The following KCNAB2 variants were observed in gnomAD, a reference collection of about 807,000 sequenced individuals.
KCNAB2 encodes potassium voltage-gated channel subfamily A regulatory beta subunit 2, also known as voltage-gated potassium channel subunit beta-2.
In KCNAB2, 29 loss-of-function variants were observed where a neutral mutation model predicts 63.6. The ratio of observed to expected loss-of-function variants is 0.46; its 90% CI spans 0.34 to 0.62. The LOEUF (loss-of-function observed/expected upper bound fraction) is 0.62. Ranked by LOEUF, KCNAB2 falls within the 20% of genes least tolerant of loss-of-function variation. The pLI, the probability that KCNAB2 is intolerant of heterozygous loss-of-function variation, is 0.01. For missense variants in KCNAB2, 359 were observed against 563.9 expected, an observed-to-expected ratio of 0.64 and a Z score of 3.68; for synonymous variants, 222 against 224.2, an observed-to-expected ratio of 0.99 and a Z score of 0.09.
At chr1:6,032,573 T>TAAA (rs35229378), upstream of KCNAB2, among the ~76,000 whole-genome samples, 2 of 134,506 alleles carry the variant, frequency 1.5e-5, no homozygotes, top group Admixed American at 1.5e-4. Flanking sequence ...GAGACTCTGT[T>TAAA]AAAAAAAAAA....
intron 6 of KCNAB2, 124 bp downstream of exon 6, chr1:6,085,372 G>C: frequency 1.2e-6 from 1 of 838,644 alleles, no homozygotes; most frequent in Non-Finnish European, 2.0e-6. Context: ...TTTCTTGCTG[G>C]GAAGTGGAGA....
At position 6,081,007 on chromosome 1, in the gene KCNAB2, C is replaced by T. The variant is rs3789542; in HGVS notation, c.301-1188C>T. On this transcript the variant is annotated intron_variant, in intron 4 of 15. Transcript: ENST00000378083. ...GACACTCAGAGGGAAGCAGCCCTGTCCGAGAGCCAGAAGCTCAGGGGCACC... is the reference window on the plus strand; with the variant it reads ...GACACTCAGAGGGAAGCAGCCCTGTTCGAGAGCCAGAAGCTCAGGGGCACC... 1.6e-4 allele frequency among the ~76,000 whole-genome samples: 24 copies of T among 152,328 alleles called. No homozygotes were observed. The East Asian group carries it at 2.7e-3, about 17-fold the overall frequency.
intron 1 of KCNAB2, among the ~76,000 whole-genome samples, chr1:5,996,395 C>T (rs1656939883): frequency 6.6e-6 from 1 of 152,194 alleles, no homozygotes; most frequent in Non-Finnish European, 1.5e-5. Context: ...GGGCTCAGGC[C>T]CCTCCCTGCC....
At chr1:6,088,982 TCA>T in intron 7 of KCNAB2, 24 bp from the exon 8 acceptor site, 2 of 1,548,422 alleles carry the variant, frequency 1.3e-6, no homozygotes, top group South Asian at 1.2e-5. Flanking sequence ...GCTGGTGACA[TCA>T]CACGCGGTCG....
At chr1:5,999,920 C>T (rs2102538690) in intron 1 of KCNAB2, among the ~76,000 whole-genome samples, 1 of 143,840 alleles carries the variant, frequency 7.0e-6, no homozygotes, top group African/African-American at 2.7e-5. Flanking sequence ...CTGTCTGTGC[C>T]CCGTCCGCAT....
At chr1:6,063,657 C>T (rs534398922) in intron 2 of KCNAB2, among the ~76,000 whole-genome samples, 2 of 152,124 alleles carry the variant, frequency 1.3e-5, no homozygotes, top group South Asian at 4.2e-4. Flanking sequence ...GTGATCCACC[C>T]ACCTCAGCCT....
chr1:6,044,092 G>A (rs890542821), upstream of KCNAB2, among the ~76,000 whole-genome samples: 8 of 152,162 alleles, frequency 5.3e-5, no homozygotes, highest in Admixed American at 2.0e-4. Flanking sequence ...GGGTCAGAGC[G>A]CTGTCACCTC....
intron 5 of KCNAB2, among the ~76,000 whole-genome samples, chr1:6,083,691 C>T (rs745606687): frequency 8.5e-5 from 13 of 152,296 alleles, no homozygotes; most frequent in South Asian, 6.2e-4. Context: ...CTGGGCGCTG[C>T]GTGCCGGGGA....
intron 2 of KCNAB2, among the ~76,000 whole-genome samples, chr1:6,061,774 C>T (rs1299089947): frequency 1.3e-5 from 2 of 152,190 alleles, no homozygotes; most frequent in Non-Finnish European, 2.9e-5. Flanking sequence ...TAAAATTACC[C>T]TCCACCCCAC....
chr1:6,082,357 C>A, intron 5 of KCNAB2, 83 bp downstream of exon 5: 1 of 1,066,238 alleles, frequency 9.4e-7, no homozygotes, highest in Non-Finnish European at 1.5e-6. Context: ...CGCTCGCGTT[C>A]CCAAGAGTGC....
At position 6,003,575 on chromosome 1, in the gene KCNAB2, C is replaced by T. The variant is rs943732321; in HGVS notation, c.-53+10787C>T. On this transcript the variant is annotated intron_variant, in intron 1 of 16. Transcript: ENST00000341524. The surrounding 1 kb of genome is among the most constrained non-coding windows in gnomAD (Gnocchi z 4.1). ...GAGATCCGGCAGCTCTTCACTCTTC[C>T]GAATCAGGCTGTGGGAAACGTTTGT... 1.3e-5 allele frequency among the ~76,000 whole-genome samples: 2 copies of T among 152,190 alleles called. No homozygotes were observed. Among genetic ancestry groups the T allele is most frequent in the Non-Finnish European group, 2.9e-5 (2 of 68,036 alleles).
At chr1:6,082,073 C>T (rs1664255953) in intron 4 of KCNAB2, 122 bp from the exon 5 acceptor site, 3 of 757,744 alleles carry the variant, frequency 4.0e-6, no homozygotes, top group Non-Finnish European at 4.6e-6. Flanking sequence ...ACAGGGGAGC[C>T]TGTCGGGCCC....
rs575767266 is a variant in KCNAB2 at position 6,070,059 on chromosome 1, T to A, written c.219-2696T>A. 5.9e-5 allele frequency among the ~76,000 whole-genome samples: 9 copies of A among 152,306 alleles called. No individual in the cohort carries two copies. The South Asian group carries it at 1.7e-3, about 28-fold the overall frequency. On this transcript the variant is annotated intron_variant, in intron 2 of 15. Transcript: ENST00000378083. ...TGACCTGGCCTTCAGCAGAGCCTTT[T>A]CAAGCAACTGTTCCCCACAGTCACT...
At chr1:6,080,166 C>G (rs975030415) in intron 4 of KCNAB2, among the ~76,000 whole-genome samples, 2 of 152,310 alleles carry the variant, frequency 1.3e-5, no homozygotes, top group South Asian at 4.1e-4. Context: ...TTAGCCCCTT[C>G]GGGGCCCAGC....
chr1:6,051,753 C>G lies in KCNAB2; in HGVS notation c.217C>G (p.Arg73Gly), dbSNP rs762932877. ...CTAQRTGMKYRNLGKSGLRVS... is the reference protein window; with the variant it reads ...CTAQRTGMKYGNLGKSGLRVS... ...CGCCCAGCGCACAGGCATGAAGTATCGGTAAGGGCCGGGCAGGGGGGCGGT... is the reference window on the plus strand; with the variant it reads ...CGCCCAGCGCACAGGCATGAAGTATGGGTAAGGGCCGGGCAGGGGGGCGGT... Residue 73 changes from arginine (R) to glycine (G), a missense_variant and splice_region_variant, in exon 2 of 16, where the codon CGG becomes GGG. Arg to Gly is a moderately radical substitution (Grantham distance 125). Coordinates refer to ENST00000378083, the MANE Select transcript of KCNAB2 (RefSeq NM_001199862.2). 1 of 1,528,092 alleles carries G rather than the reference C, an allele frequency of 6.5e-7. No homozygotes were observed. The highest frequency in any genetic ancestry group is 1.4e-5 in the African/African-American group (1 of 72,848). The allele number at this position is 1,528,092 out of a possible 1,614,324, so 94.7% of individuals were successfully genotyped here. A position where few individuals can be genotyped will look rare whatever the true frequency, so the allele number is the denominator to read the frequency against.
chr1:6,030,539 ATATGTGTG>A (rs1317069253), upstream of KCNAB2, among the ~76,000 whole-genome samples: 4 of 147,916 alleles, frequency 2.7e-5, no homozygotes, highest in Non-Finnish European at 6.0e-5. Context: ...GTGTGTGTAC[ATATGTGTG>A]TATGTGTGTA....
intron 1 of KCNAB2, among the ~76,000 whole-genome samples, chr1:6,004,827 C>CG (rs1192900029): frequency 6.6e-6 from 1 of 151,644 alleles, no homozygotes; most frequent in Non-Finnish European, 1.5e-5. Context: ...TTTCTACCCC[C>CG]GAGTCCCACC....
In KCNAB2 at chr1:6,071,690, A is replaced by G. The variant is rs1225810978; in HGVS notation, c.219-1065A>G. Among the ~76,000 whole-genome samples, 2 of 151,992 alleles carry G rather than the reference A, an allele frequency of 1.3e-5. No homozygotes were observed. Among genetic ancestry groups the G allele is most frequent in the Admixed American group, 1.3e-4 (2 of 15,276 alleles). ...GCCACCGCGTAGGGCTCTGCTGCGTAGGACTCCTGCCGCCGCATAGGGCTC... is the reference window on the plus strand; with the variant it reads ...GCCACCGCGTAGGGCTCTGCTGCGTGGGACTCCTGCCGCCGCATAGGGCTC... On this transcript the variant is annotated intron_variant, in intron 2 of 15. Coordinates refer to ENST00000378083, the MANE Select transcript of KCNAB2 (RefSeq NM_001199862.2). The surrounding 1 kb of genome is among the most constrained non-coding windows in gnomAD (Gnocchi z 8.5).
At chr1:6,098,160 GA>G in intron 15 of KCNAB2, 9 of 1,082,168 alleles carry the variant, frequency 8.3e-6, no homozygotes, top group East Asian at 7.3e-5. Context: ...GGCGCAGCTG[GA>G]AAAAGCAGTC....
Sources: allele counts gnomAD v4.1 joint callset (sites outside exome capture counted in the v4.1 genomes callset), GRCh38; gene constraint gnomAD v4.1.1; non-coding constraint Gnocchi (gnomAD v3.1); transcripts MANE v1.5; gene names NCBI Gene and HGNC (gene_info 2026-07-23, HGNC 2026-07-21).